GNAI1: variants seen among roughly 807,000 people sequenced by gnomAD.
GNAI1 encodes G protein subunit alpha i1, also known as guanine nucleotide-binding protein G(i) subunit alpha-1.
A neutral mutation model predicts 38.9 loss-of-function variants in GNAI1; 11 were observed. That is an observed-to-expected ratio of 0.28 (90% confidence interval 0.18 to 0.47). The LOEUF is 0.47. GNAI1 is among the 20% of genes least tolerant of loss of function. GNAI1 has a pLI of 0.99. For synonymous variants in GNAI1, 166 were observed against 145.1 expected (o/e 1.14, Z -1.04); for missense variants, 317 against 436.9 (o/e 0.73, Z 2.45).
At chr7:80,147,934 G>T (rs1031126426) in intron 1 of GNAI1, among the ~76,000 whole-genome samples, 1 of 152,074 alleles carries the variant, frequency 6.6e-6, no homozygotes, top group Non-Finnish European at 1.5e-5. Context: ...TAAATATGTG[G>T]GAATGGAAGT....
At chr7:80,182,708 C>T (rs571665727) in intron 1 of GNAI1, among the ~76,000 whole-genome samples, 3 of 151,826 alleles carry the variant, frequency 2.0e-5, no homozygotes, top group East Asian at 1.9e-4. Flanking sequence ...AGCATTAAAC[C>T]AGATTGTGAT....
At chr7:80,167,057 T>C (rs1327779374) in intron 1 of GNAI1, among the ~76,000 whole-genome samples, 2 of 152,186 alleles carry the variant, frequency 1.3e-5, no homozygotes, top group Admixed American at 6.5e-5. Context: ...TGCCATTTCC[T>C]GGTAGTGTTT....
chr7:80,175,134 A>C (rs1285603339), intron 1 of GNAI1, among the ~76,000 whole-genome samples: 1 of 152,196 alleles, frequency 6.6e-6, no homozygotes, highest in Non-Finnish European at 1.5e-5. Context: ...TGGTTAGTCC[A>C]CCTTGGGATT....
intron 1 of GNAI1, among the ~76,000 whole-genome samples, chr7:80,180,021 T>A (rs1788261486): frequency 1.3e-5 from 2 of 152,176 alleles, no homozygotes; most frequent in Non-Finnish European, 2.9e-5. Flanking sequence ...AGTCTGTGAC[T>A]CCGCTCACAA....
intron 1 of GNAI1, among the ~76,000 whole-genome samples, chr7:80,183,832 A>G (rs1040986525): frequency 2.6e-5 from 4 of 152,154 alleles, no homozygotes; most frequent in Non-Finnish European, 5.9e-5. Flanking sequence ...GGGTTACCTT[A>G]TATCTTGATT....
chr7:80,164,039 C>A, intron 1 of GNAI1, among the ~76,000 whole-genome samples: 1 of 62,948 alleles, frequency 1.6e-5, no homozygotes, highest in South Asian at 6.6e-4. Context: ...CTGGTGCTTT[C>A]TTTTTTTTTT....
At chr7:80,161,752 G>C (rs943176706) in intron 1 of GNAI1, among the ~76,000 whole-genome samples, 1 of 152,082 alleles carries the variant, frequency 6.6e-6, no homozygotes, top group South Asian at 2.1e-4. Flanking sequence ...AGGAAGTTGA[G>C]TCCAAAGAGA....
At chr7:80,146,241 A>T (rs535635322) in intron 1 of GNAI1, among the ~76,000 whole-genome samples, 80 of 152,250 alleles carry the variant, frequency 5.3e-4, no homozygotes, top group Non-Finnish European at 1.0e-3. Context: ...TGACTGCTCC[A>T]GTTGCTCCTA....
In GNAI1 at chr7:80,219,859, T is replaced by C. The variant is rs900555035; in HGVS notation, c.*2366T>C. Among the ~76,000 whole-genome samples the C allele has an allele frequency of 6.6e-6, 1 of 152,190 alleles. No individual in the cohort carries two copies. The highest frequency in any genetic ancestry group is 2.4e-5 in the African/African-American group (1 of 41,464). On this transcript the variant is annotated 3_prime_UTR_variant, in exon 8 of 8. Transcript: ENST00000649796. The stretch of plus-strand genomic sequence containing the variant: ...GCCCTGCATGCATTAGGTGGAACTC[T>C]TCTGATTCCTAATCTCCATTTCAAT...
intron 1 of GNAI1, among the ~76,000 whole-genome samples, chr7:80,177,950 G>A (rs1351650326): frequency 6.6e-6 from 1 of 152,162 alleles, no homozygotes; most frequent in African/African-American, 2.4e-5. Context: ...TTCTGAAAAG[G>A]ATTAATCATT....
intron 7 of GNAI1, among the ~76,000 whole-genome samples, chr7:80,215,551 T>C (rs1354184671): frequency 1.3e-5 from 2 of 152,216 alleles, no homozygotes; most frequent in Non-Finnish European, 2.9e-5. Context: ...TATGCTGTCA[T>C]AGCACATTAC....
intron 1 of GNAI1, among the ~76,000 whole-genome samples, chr7:80,180,800 T>G (rs1788281173): frequency 6.6e-6 from 1 of 152,168 alleles, no homozygotes; most frequent in Non-Finnish European, 1.5e-5. Context: ...CAAAAGTCCC[T>G]ACTTTGAAGA....
At chr7:80,204,473 G>A (rs1374178723) in intron 5 of GNAI1, among the ~76,000 whole-genome samples, 3 of 152,104 alleles carry the variant, frequency 2.0e-5, no homozygotes, top group Non-Finnish European at 4.4e-5. Flanking sequence ...GGAAAGTTTA[G>A]TAAAATATCA....
chr7:80,168,347 A>G (rs944379796), intron 1 of GNAI1, among the ~76,000 whole-genome samples: 1 of 152,142 alleles, frequency 6.6e-6, no homozygotes, highest in Non-Finnish European at 1.5e-5. Context: ...AAAAATTCCG[A>G]CAAAATATAC....
At chr7:80,168,082 C>T (rs964903536) in intron 1 of GNAI1, among the ~76,000 whole-genome samples, 1 of 152,138 alleles carries the variant, frequency 6.6e-6, no homozygotes, top group Non-Finnish European at 1.5e-5. Flanking sequence ...CCTGGGCTAG[C>T]GCTATCCTTT....
intron 1 of GNAI1, among the ~76,000 whole-genome samples, chr7:80,178,130 C>G (rs565322786): frequency 1.2e-4 from 19 of 152,180 alleles, no homozygotes; most frequent in African/African-American, 4.3e-4. Context: ...AACAAGAGAA[C>G]TAGAATTAGA....
chr7:80,140,288 C>A (rs1041926282), intron 1 of GNAI1, among the ~76,000 whole-genome samples: 1 of 152,114 alleles, frequency 6.6e-6, no homozygotes, highest in African/African-American at 2.4e-5. Flanking sequence ...CCTTTGGCCC[C>A]AATTTCTAAT....
chr7:80,204,341 G>A (rs768770382), intron 5 of GNAI1, among the ~76,000 whole-genome samples: 18 of 152,150 alleles, frequency 1.2e-4, no homozygotes, highest in Non-Finnish European at 2.4e-4. Context: ...CATTTAAAGT[G>A]TACTGAATAT....
chr7:80,163,502 A>T (rs1183517289), intron 1 of GNAI1, among the ~76,000 whole-genome samples: 22 of 152,232 alleles, frequency 1.4e-4, no homozygotes, highest in Admixed American at 1.4e-3. Flanking sequence ...ATTCACTTAC[A>T]TAACTACTTA....
Sources: allele counts gnomAD v4.1 joint callset (sites outside exome capture counted in the v4.1 genomes callset), GRCh38; gene constraint gnomAD v4.1.1; transcripts MANE v1.5; gene names NCBI Gene and HGNC (gene_info 2026-07-23, HGNC 2026-07-21).